PROS1: variants seen among roughly 807,000 people sequenced by gnomAD.
The protein encoded by PROS1 is vitamin K-dependent protein S.
Under a neutral mutation model 75.9 loss-of-function variants are expected in PROS1, and 29 were observed. That is an observed-to-expected ratio of 0.38 (90% CI 0.28 to 0.52). The LOEUF (loss-of-function observed/expected upper bound fraction) is 0.52, where lower values mean the gene tolerates loss of function less well. PROS1 is among the 20% of genes least tolerant of loss of function. The probability of loss-of-function intolerance (pLI) is 0.83; values close to 1 mark genes in which losing one functional copy is unlikely to be tolerated. For missense variants in PROS1, 680 were observed against 810.3 expected (o/e 0.84, Z 1.95); for synonymous variants, 245 against 280.6 (o/e 0.87, Z 1.27).
chr3:93,960,478 G>A (rs369604284), intron 1 of PROS1, among the ~76,000 whole-genome samples: 81 of 144,180 alleles, frequency 5.6e-4, no homozygotes, highest in South Asian at 8.8e-4. Context: ...GTCTGGCTGC[G>A]TTTGTCACTT....
Position 93,921,159 on chromosome 3 carries a change from C to T in PROS1, c.259+3081G>A, listed in dbSNP as rs145481295. Among the ~76,000 whole-genome samples the T allele has an allele frequency of 4.8e-3, 726 of 152,254 alleles. 6 individuals are homozygous for T. The highest frequency in any genetic ancestry group is 0.017 in the African/African-American group (702 of 41,562). On this transcript the variant is annotated intron_variant, in intron 3 of 14. Coordinates refer to ENST00000394236, the MANE Select transcript of PROS1 (RefSeq NM_000313.4). ...TCAGCCTCTTGAGTGGCTGGGATTACGGGCATAAGCCACTGCACCCAGCTG... is the reference window on the plus strand; with the variant it reads ...TCAGCCTCTTGAGTGGCTGGGATTATGGGCATAAGCCACTGCACCCAGCTG...
chr3:93,893,104 A>G lies in PROS1; in HGVS notation c.984T>C (p.Asp328=). Residue 328 remains aspartate (D), a synonymous_variant, in exon 10 of 15, where the codon GAT becomes GAC. Transcript: ENST00000394236. ...CGCCTTCTGAATCATATGTCCGGAA[A>G]TCAAATTCTGCTGAAAATCTAAACA... is the stretch of plus-strand genomic sequence containing the variant. ...PEISRFSAEF[D]FRTYDSEGVI... The G allele has an allele frequency of 1.2e-6, 2 of 1,613,548 alleles. No individual in the cohort carries two copies. Among genetic ancestry groups the G allele is most frequent in the Non-Finnish European group, 1.7e-6 (2 of 1,179,606 alleles).
chr3:93,886,981 C>T (rs997218729), intron 10 of PROS1, among the ~76,000 whole-genome samples: 6 of 150,210 alleles, frequency 4.0e-5, no homozygotes, highest in African/African-American at 9.8e-5. Flanking sequence ...TGCAGTGGCG[C>T]AATCTCGGCT....
At position 93,886,282 on chromosome 3, in the gene PROS1, A is replaced by G. The variant is rs8178649; in HGVS notation, c.1323+54T>C. ...CTCAGAAACACACATATTCAAATCT[A>G]TTACAGACAAAAGGAACTCATCCAT... is the stretch of plus-strand genomic sequence containing the variant. On this transcript the variant is annotated intron_variant, in intron 11 of 14. Transcript: ENST00000394236. The G allele has an allele frequency of 0.22, 338,426 of 1,512,894 alleles. 41,887 individuals carry two copies. The highest frequency in any genetic ancestry group is 0.25 in the Non-Finnish European group (273,861 of 1,088,450). The allele number at this position is 1,512,894 out of a possible 1,614,324, so 93.7% of individuals were successfully genotyped here. A position where few individuals can be genotyped will look rare whatever the true frequency, so the allele number is the denominator to read the frequency against.
chr3:93,973,005 A>T (rs572721261), intron 1 of PROS1, among the ~76,000 whole-genome samples: 3 of 152,360 alleles, frequency 2.0e-5, no homozygotes, highest in African/African-American at 7.2e-5. Flanking sequence ...GCATAAGGAC[A>T]TAAAGAACCT....
chr3:93,963,718 C>T (rs900124122), intron 1 of PROS1, among the ~76,000 whole-genome samples: 2 of 152,034 alleles, frequency 1.3e-5, no homozygotes, highest in Non-Finnish European at 2.9e-5. Flanking sequence ...AGGTCCCAGA[C>T]TTTAAACAAC....
chr3:93,973,213 C>G (rs1440751149), intron 1 of PROS1, among the ~76,000 whole-genome samples: 1 of 152,150 alleles, frequency 6.6e-6, no homozygotes, highest in East Asian at 1.9e-4. Flanking sequence ...GTGAGACAAG[C>G]AAACCAAGCT....
chr3:93,972,012 T>C (rs1030776837), intron 1 of PROS1, among the ~76,000 whole-genome samples: 2 of 152,174 alleles, frequency 1.3e-5, no homozygotes, highest in Non-Finnish European at 2.9e-5. Flanking sequence ...GTGTTATATA[T>C]AACAAGTGTA....
intron 14 of PROS1, among the ~76,000 whole-genome samples, chr3:93,876,364 G>A (rs1414526864): frequency 6.6e-5 from 10 of 152,036 alleles, no homozygotes; most frequent in East Asian, 3.9e-4. Flanking sequence ...CGAGGCGAGC[G>A]GATCGCAAGG....
chr3:93,894,029 A>G (rs1708468981), intron 9 of PROS1, among the ~76,000 whole-genome samples: 1 of 152,140 alleles, frequency 6.6e-6, no homozygotes, highest in African/African-American at 2.4e-5. Flanking sequence ...AATCCACATG[A>G]TTGACGAAAG....
Position 93,926,716 on chromosome 3 carries a change from C to T in PROS1, c.234+534G>A, listed in dbSNP as rs143321264. ...ATCCAAACTAGCATGCATGCGTGCGCGCGCACACGCACACACACACACGTT... is the reference window on the plus strand; with the variant it reads ...ATCCAAACTAGCATGCATGCGTGCGTGCGCACACGCACACACACACACGTT... On this transcript the variant is annotated intron_variant, in intron 2 of 14. Coordinates refer to ENST00000394236, the MANE Select transcript of PROS1 (RefSeq NM_000313.4). Among the ~76,000 whole-genome samples the T allele has an allele frequency of 9.4e-3, 1,427 of 152,344 alleles. 28 individuals carry two copies. The highest frequency in any genetic ancestry group is 0.032 in the African/African-American group (1,328 of 41,578).
At chr3:93,956,561 C>A (rs9861065) in intron 1 of PROS1, among the ~76,000 whole-genome samples, 2,556 of 45,192 alleles carry the variant, frequency 0.057, 16 homozygotes, top group East Asian at 0.071. Context: ...CACACACACA[C>A]AAACACACAC....
chr3:93,874,390 G>T lies in PROS1; in HGVS notation c.1886C>A (p.Ala629Asp), dbSNP rs1245261205. 6.2e-7 allele frequency: 1 copy of T among 1,613,318 alleles called. No individual in the cohort carries two copies. The highest frequency in any genetic ancestry group is 2.2e-5 in the East Asian group (1 of 44,788). The change falls in exon 15 of 15, where the codon GCC (alanine) becomes GAC (aspartate). Residue 629 changes from alanine to aspartate, a missense_variant. Coordinates refer to ENST00000394236, the MANE Select transcript of PROS1 (RefSeq NM_000313.4). Reference protein sequence around the residue: ...LGGLPDVPFSATPVNAFYNGC... With the variant: ...LGGLPDVPFSDTPVNAFYNGC... The stretch of plus-strand genomic sequence containing the variant: ...ATTATAAAAGGCATTCACTGGTGTG[G>T]CACTGAATGGAACATCTGTAAAAGG...
At chr3:93,895,482 A>C (rs1319922287) in intron 9 of PROS1, among the ~76,000 whole-genome samples, 1 of 152,162 alleles carries the variant, frequency 6.6e-6, no homozygotes, top group Non-Finnish European at 1.5e-5. Flanking sequence ...TCTTAGAATA[A>C]TTTTCAATGT....
intron 5 of PROS1, 44 bp from the exon 6 acceptor site, chr3:93,905,959 T>C (rs768823872): frequency 2.5e-6 from 4 of 1,613,206 alleles, no homozygotes; most frequent in Middle Eastern, 1.7e-4. Context: ...TAATATAACC[T>C]GCAGAGAACT....
chr3:93,898,942 G>GA (rs376611707), intron 7 of PROS1, among the ~76,000 whole-genome samples: 4 of 151,364 alleles, frequency 2.6e-5, no homozygotes, highest in African/African-American at 7.3e-5. Context: ...TCATTGCTTT[G>GA]AAAAAAAGAA....
At chr3:93,932,546 T>A (rs1709120996) in intron 1 of PROS1, among the ~76,000 whole-genome samples, 1 of 152,230 alleles carries the variant, frequency 6.6e-6, no homozygotes, top group Non-Finnish European at 1.5e-5. Flanking sequence ...CAACTTGATT[T>A]TTTTAACTTA....
At chr3:93,907,152 G>C (rs370651527) in intron 4 of PROS1, among the ~76,000 whole-genome samples, 2 of 152,200 alleles carry the variant, frequency 1.3e-5, no homozygotes, top group African/African-American at 4.8e-5. Context: ...GGGAACACTG[G>C]GTGCTTTTTC....
chr3:93,918,773 T>A (rs995310595), intron 3 of PROS1, among the ~76,000 whole-genome samples: 4 of 152,164 alleles, frequency 2.6e-5, no homozygotes, highest in African/African-American at 9.7e-5. Context: ...CTCGAACTCC[T>A]AACCTCAAGT....
Sources: allele counts gnomAD v4.1 joint callset (sites outside exome capture counted in the v4.1 genomes callset), GRCh38; gene constraint gnomAD v4.1.1; transcripts MANE v1.5; gene names NCBI Gene and HGNC (gene_info 2026-07-23, HGNC 2026-07-21).